Variants in EZR observed in about 807,000 individuals in gnomAD.
EZR encodes the protein ezrin.
In EZR, 40 loss-of-function variants were observed where a neutral mutation model predicts 74.8. The observed-to-expected ratio is 0.53, with a 90% CI of 0.42 to 0.70. The LOEUF (loss-of-function observed/expected upper bound fraction) is 0.70, where lower values mean the gene tolerates loss of function less well. Among genes scored for constraint, EZR ranks in the 30% least tolerant of loss-of-function variants. The pLI, the probability that EZR is intolerant of heterozygous loss-of-function variation, is 0.00. For missense variants in EZR, 678 were observed against 755.8 expected, an observed-to-expected ratio of 0.90 and a Z score of 1.21; for synonymous variants, 341 against 283.3, an observed-to-expected ratio of 1.20 and a Z score of -2.05.
intron 7 of EZR, among the ~76,000 whole-genome samples, chr6:158,778,276 C>T (rs1175919105): frequency 3.3e-5 from 5 of 152,236 alleles, no homozygotes; most frequent in African/African-American, 7.2e-5. Context: ...TGTCTCTACA[C>T]AGGACTCTCA....
At chr6:158,817,632 C>G (rs534856347) in intron 2 of EZR, among the ~76,000 whole-genome samples, 1 of 152,168 alleles carries the variant, frequency 6.6e-6, no homozygotes, top group Non-Finnish European at 1.5e-5. Flanking sequence ...CTCCCAAACG[C>G]CCTTTAATAT....
intron 10 of EZR, among the ~76,000 whole-genome samples, chr6:158,770,434 CCT>C (rs1791066826): frequency 6.6e-6 from 1 of 152,170 alleles, no homozygotes; most frequent in East Asian, 1.9e-4. Context: ...GCAGCATGGC[CCT>C]GTCAGTCATG....
At position 158,767,448 on chromosome 6, in the gene EZR, G is replaced by A. The variant is rs764178849; in HGVS notation, c.1409C>T (p.Pro470Leu). ...GTACACGGGGGGTGGTGGGGGCGGG[G>A]GTGCTGTCATCACCAGGTGCAGCTC... The part of the protein sequence containing the change: ...KEELHLVMTA[P>L]PPPPPPVYEP... The change falls in exon 13 of 14, where the codon CCC becomes CTC. Residue 470 changes from proline (P) to leucine (L), a missense_variant. Around this residue, in one of 3 missense-constraint regions of EZR, gnomAD observed 342 missense variants for 341.2 expected, o/e 1.00. Coordinates refer to ENST00000367075, the MANE Select transcript of EZR (RefSeq NM_001111077.2). The A allele has an allele frequency of 3.7e-6, 6 of 1,612,702 alleles. No individual in the cohort carries two copies. The South Asian group carries it at 4.4e-5, about 12-fold the overall frequency.
rs1362199041 is a variant in EZR, at chr6:158,766,266, G to GTA, written c.*646_*647dup. Reference sequence around the variant, plus strand: ...GTATATAGCTGATCATTAATAAGGTGTATAAGTACAATGTATTCTAAAACT... The same window carrying GTA: ...GTATATAGCTGATCATTAATAAGGTGTATATAAGTACAATGTATTCTAAAACT... On this transcript the variant is annotated 3_prime_UTR_variant, in exon 14 of 14. Coordinates refer to ENST00000367075, the MANE Select transcript of EZR (RefSeq NM_001111077.2). 6.7e-6 allele frequency: 1 copy of GTA among 149,028 alleles called. No homozygotes were observed. The highest frequency in any genetic ancestry group is 2.0e-4 in the East Asian group (1 of 4,922). The allele number at this position is 149,028 out of a possible 1,614,324, so 9.2% of individuals were successfully genotyped here. A position where few individuals can be genotyped will look rare whatever the true frequency, so the allele number is the denominator to read the frequency against.
In EZR at chr6:158,789,257, G is replaced by T. The variant is rs1443777794; in HGVS notation, c.96+31C>A. ...GTTGCAAAACAGTTTTTTTTTGTAG[G>T]TGGAGTTAACTCTCAAGTTCAGAGA... is the stretch of plus-strand genomic sequence containing the variant. On this transcript the variant is annotated intron_variant, in intron 3 of 13. Transcript: ENST00000367075. The T allele has an allele frequency of 3.9e-6, 6 of 1,542,604 alleles. No homozygotes were observed. In the Admixed American group the frequency reaches 7.3e-5, roughly 19 times the overall value.
At chr6:158,807,489 G>C (rs957462349) in intron 2 of EZR, among the ~76,000 whole-genome samples, 2 of 152,126 alleles carry the variant, frequency 1.3e-5, no homozygotes, top group African/African-American at 4.8e-5. Context: ...GGAAATGATG[G>C]ACTTATCACC....
chr6:158,785,341 C>A lies in EZR; in HGVS notation c.435G>T (p.Gly145=). The A allele has an allele frequency of 6.2e-7, 1 of 1,614,210 alleles. No individual in the cohort carries two copies. The highest frequency in any genetic ancestry group is 8.5e-7 in the Non-Finnish European group (1 of 1,180,040). The change falls in exon 5 of 14, where the codon GGG becomes GGT. Residue 145 remains glycine, a synonymous_variant. Transcript: ENST00000367075. ...GGATCAGCCGCTCAGAGCTGAGGTA[C>A]CCAGACTTGTGCACTTCTTTGTTGT... ...GDYNKEVHKS[G]YLSSERLIPQ... is the part of the protein sequence containing the mutation.
chr6:158,777,107 C>T (rs1791300927), intron 7 of EZR, among the ~76,000 whole-genome samples: 1 of 152,210 alleles, frequency 6.6e-6, no homozygotes, highest in Non-Finnish European at 1.5e-5. Context: ...GGCTCTTCTG[C>T]TACAGACTGT....
chr6:158,804,059 C>T (rs1029065256), intron 2 of EZR, among the ~76,000 whole-genome samples: 1 of 152,148 alleles, frequency 6.6e-6, no homozygotes, highest in African/African-American at 2.4e-5. Flanking sequence ...TGCCCGAGTT[C>T]CAAGCCTGCA....
chr6:158,780,749 G>C (rs1349689694), intron 7 of EZR, among the ~76,000 whole-genome samples: 1 of 152,150 alleles, frequency 6.6e-6, no homozygotes, highest in African/African-American at 2.4e-5. Context: ...GTTAGTTTTT[G>C]TTTTTGGTCC....
intron 2 of EZR, among the ~76,000 whole-genome samples, chr6:158,814,391 T>TAC (rs1357784942): frequency 4.5e-5 from 3 of 66,468 alleles, no homozygotes; most frequent in Non-Finnish European, 6.9e-5. Flanking sequence ...CTCTCGACGT[T>TAC]ACCTAGGCTC....
intron 2 of EZR, among the ~76,000 whole-genome samples, chr6:158,812,819 C>G (rs1421542547): frequency 6.6e-6 from 1 of 152,146 alleles, no homozygotes; most frequent in Admixed American, 6.5e-5. Flanking sequence ...AAGCCAGAAA[C>G]GAGAAGTCAG....
rs141741749 is a variant in EZR, at chr6:158,770,806, G to A, written c.1048C>T (p.Arg350Trp). The change falls in exon 10 of 14, where the codon CGG (arginine) becomes TGG (tryptophan). Residue 350 changes from arginine (R) to tryptophan (W), a missense_variant. Physicochemically the swap from Arg to Trp is moderately radical, Grantham distance 101 (BLOSUM62 -3). Coordinates refer to ENST00000367075, the MANE Select transcript of EZR (RefSeq NM_001111077.2). The stretch of plus-strand genomic sequence containing the variant: ...GTCTTCTCCTCATAGTCCTGCAGCC[G>A]CAGCATCAACTCCTCCTTCTCGCGC... ...MMREKEELML[R>W]LQDYEEKTKK... 6.2e-6 allele frequency: 10 copies of A among 1,613,998 alleles called. No homozygotes were observed. The highest frequency in any genetic ancestry group is 5.3e-5 in the African/African-American group (4 of 74,890).
At chr6:158,804,204 C>T (rs3123126) in intron 2 of EZR, among the ~76,000 whole-genome samples, 17,099 of 151,934 alleles carry the variant, frequency 0.11, 994 homozygotes, top group Middle Eastern at 0.15. Context: ...TTCTTCTACA[C>T]TGGAAATAAC....
chr6:158,797,309 A>AT (rs762178437), intron 2 of EZR, among the ~76,000 whole-genome samples: 1 of 152,174 alleles, frequency 6.6e-6, no homozygotes, highest in Non-Finnish European at 1.5e-5. Context: ...GTTTGCAATA[A>AT]TTTTTTTATG....
chr6:158,780,777 T>C lies in EZR; in HGVS notation c.698+2743A>G, dbSNP rs146805009. Among the ~76,000 whole-genome samples, 14 of 152,342 alleles carry C rather than the reference T, an allele frequency of 9.2e-5. No homozygotes were observed. The East Asian group carries it at 2.3e-3, about 25-fold the overall frequency. On this transcript the variant is annotated intron_variant, in intron 7 of 13. Transcript: ENST00000367075. ...TTTGGTCCGAGTGTCAGGTTTCAAA[T>C]TGTAACCCAGCTAAACTGAACTTCC...
chr6:158,804,247 C>T (rs1384990796), intron 2 of EZR, among the ~76,000 whole-genome samples: 2 of 152,094 alleles, frequency 1.3e-5, no homozygotes, highest in Non-Finnish European at 2.9e-5. Flanking sequence ...GGGAAGTAAA[C>T]TGGAATTCTT....
At chr6:158,803,208 G>A (rs1399039808) in intron 2 of EZR, among the ~76,000 whole-genome samples, 3 of 151,698 alleles carry the variant, frequency 2.0e-5, no homozygotes, top group Non-Finnish European at 2.9e-5. Context: ...GACTTTTCAC[G>A]TATCTACATG....
intron 8 of EZR, among the ~76,000 whole-genome samples, chr6:158,773,684 A>G (rs1209393642): frequency 2.6e-5 from 4 of 152,246 alleles, no homozygotes; most frequent in African/African-American, 9.6e-5. Context: ...ATCTGGCCGC[A>G]GAGATGGCAG....
Sources: allele counts gnomAD v4.1 joint callset (sites outside exome capture counted in the v4.1 genomes callset), GRCh38; gene constraint gnomAD v4.1.1; regional missense constraint gnomAD v4.1.1; transcripts MANE v1.5; gene names NCBI Gene and HGNC (gene_info 2026-07-23, HGNC 2026-07-21).